Variants in CUEDC1 observed in about 807,000 individuals in gnomAD.
The protein encoded by CUEDC1 is CUE domain containing 1, also known as CUE domain-containing protein 1.
CUEDC1 carries 30 observed loss-of-function variants against 43.7 expected under a neutral mutation model. The observed-to-expected ratio is 0.69, with a 90% CI of 0.51 to 0.93. CUEDC1 has a LOEUF of 0.93. CUEDC1 is among the 40% of genes least tolerant of loss of function. The pLI, the probability that CUEDC1 is intolerant of heterozygous loss-of-function variation, is 0.00. For synonymous variants in CUEDC1, 223 were observed against 223.6 expected, an observed-to-expected ratio of 1.00 and a Z score of 0.02; for missense variants, 486 against 549.0, an observed-to-expected ratio of 0.89 and a Z score of 1.15.
intron 2 of CUEDC1, among the ~76,000 whole-genome samples, chr17:57,882,422 G>A (rs2074222159): frequency 6.6e-6 from 1 of 152,116 alleles, no homozygotes; most frequent in African/African-American, 2.4e-5. Context: ...AGGGGGTGGT[G>A]AAGCCTTGCA....
intron 1 of CUEDC1, among the ~76,000 whole-genome samples, chr17:57,889,590 C>G (rs1291443924): frequency 6.6e-6 from 1 of 152,194 alleles, no homozygotes; most frequent in Non-Finnish European, 1.5e-5. Flanking sequence ...GAGCCTGAGA[C>G]CCAAGTCTAG....
In CUEDC1 at chr17:57,900,677, G is replaced by A. The variant is rs116781592; in HGVS notation, c.-315-14798C>T. Among the ~76,000 whole-genome samples, 726 of 152,312 alleles carry A rather than the reference G, an allele frequency of 4.8e-3. 6 individuals are homozygous for A. The highest frequency in any genetic ancestry group is 0.017 in the African/African-American group (706 of 41,560). On this transcript the variant is annotated intron_variant, in intron 1 of 10. Coordinates refer to ENST00000577830, the MANE Select transcript of CUEDC1 (RefSeq NM_001271875.2). ...ATTTTATAGATAGATACACTGAGTC[G>A]TGTGTGACCTAGAGGTTGTCCAGGA... is the stretch of plus-strand genomic sequence containing the variant.
At chr17:57,897,238 A>G (rs932633480) in intron 1 of CUEDC1, among the ~76,000 whole-genome samples, 1 of 152,240 alleles carries the variant, frequency 6.6e-6, no homozygotes, top group African/African-American at 2.4e-5. Context: ...CATTTCACAG[A>G]AAAGAAAACT....
intron 1 of CUEDC1, among the ~76,000 whole-genome samples, chr17:57,944,425 G>A (rs2074943454): frequency 1.3e-5 from 2 of 152,180 alleles, no homozygotes; most frequent in Admixed American, 1.3e-4. Context: ...GGTCAGGCTG[G>A]TCTCGAACTC....
At chr17:57,917,963 G>A (rs563620304) in intron 1 of CUEDC1, among the ~76,000 whole-genome samples, 11 of 152,252 alleles carry the variant, frequency 7.2e-5, no homozygotes, top group Middle Eastern at 3.4e-3. Flanking sequence ...CTCCTGTTCT[G>A]GACCTCAGTT....
intron 1 of CUEDC1, among the ~76,000 whole-genome samples, chr17:57,933,182 C>A (rs955222169): frequency 6.8e-6 from 1 of 146,458 alleles, no homozygotes; most frequent in Non-Finnish European, 1.5e-5. Flanking sequence ...CTAGCAGAAT[C>A]AGACAGCCTC....
rs1043287774 is a variant in CUEDC1 at position 57,886,817 on chromosome 17, G to T, written c.-315-938C>A. ...ACCATATACATCATAAATTCTGGTTGTTTTTTTTTTTTTTTTTTTGAGACG... is the reference window on the plus strand; with the variant it reads ...ACCATATACATCATAAATTCTGGTTTTTTTTTTTTTTTTTTTTTTGAGACG... On this transcript the variant is annotated intron_variant, in intron 1 of 10. Transcript: ENST00000577830. 6.1e-3 allele frequency among the ~76,000 whole-genome samples: 717 copies of T among 118,422 alleles called. 5 individuals are homozygous for T. Among genetic ancestry groups the T allele is most frequent in the African/African-American group, 0.02 (624 of 31,106 alleles). 77.7% of individuals were successfully genotyped at this position (118,422 alleles called of 152,430 possible).
chr17:57,899,995 T>C (rs2074454839), intron 1 of CUEDC1, among the ~76,000 whole-genome samples: 1 of 152,116 alleles, frequency 6.6e-6, no homozygotes, highest in Non-Finnish European at 1.5e-5. Flanking sequence ...AAGGTCAGGC[T>C]GACCTGACTT....
At chr17:57,909,398 T>G (rs1490739180) in intron 1 of CUEDC1, among the ~76,000 whole-genome samples, 4 of 152,222 alleles carry the variant, frequency 2.6e-5, no homozygotes, top group African/African-American at 9.7e-5. Flanking sequence ...ACAGGACGTA[T>G]TTTAGAACAT....
chr17:57,899,857 C>T (rs2074453428), intron 1 of CUEDC1, among the ~76,000 whole-genome samples: 1 of 152,214 alleles, frequency 6.6e-6, no homozygotes, highest in Non-Finnish European at 1.5e-5. Flanking sequence ...GCACTGACAG[C>T]ACCCTCAGCC....
chr17:57,928,195 G>T (rs1393241284), intron 1 of CUEDC1, among the ~76,000 whole-genome samples: 3 of 152,190 alleles, frequency 2.0e-5, no homozygotes, highest in African/African-American at 7.2e-5. Flanking sequence ...TATGCTTTTT[G>T]GGAGGGGTGT....
At chr17:57,919,300 C>T (rs2074676937) in intron 1 of CUEDC1, among the ~76,000 whole-genome samples, 1 of 152,164 alleles carries the variant, frequency 6.6e-6, no homozygotes, top group African/African-American at 2.4e-5. Context: ...CTGCCTCAGC[C>T]TCCCAAGTAG....
intron 1 of CUEDC1, among the ~76,000 whole-genome samples, 198 bp from the exon 2 acceptor site, chr17:57,886,077 CA>C (rs1286539260): frequency 1.3e-5 from 2 of 152,190 alleles, no homozygotes; most frequent in Non-Finnish European, 2.9e-5. Context: ...GGACAGCCAC[CA>C]GTTAGCAAGG....
chr17:57,865,131 C>T (rs997130188), intron 10 of CUEDC1, among the ~76,000 whole-genome samples: 12 of 152,156 alleles, frequency 7.9e-5, no homozygotes, highest in Non-Finnish European at 1.5e-4. Flanking sequence ...GGACAGGACC[C>T]GTTCTCCCTG....
rs780233807 is a variant in CUEDC1 at position 57,873,631 on chromosome 17, T to A, written c.551A>T (p.Asp184Val). The A allele has an allele frequency of 1.9e-6, 3 of 1,603,314 alleles. No individual in the cohort carries two copies. The Admixed American group carries it at 5.1e-5, about 27-fold the overall frequency. The change falls in exon 4 of 11, where the codon GAC (aspartate) becomes GTC (valine). Residue 184 changes from aspartate to valine, a missense_variant. By Grantham distance (152) the Asp-to-Val change is radical (BLOSUM62 -3). Transcript: ENST00000577830. Reference sequence around the variant, plus strand: ...CTGCTGGGGCAGGATGCGGAGAAAGTCATCCGGAAGGTTGCCCAGCAGTGG... The same window carrying A: ...CTGCTGGGGCAGGATGCGGAGAAAGACATCCGGAAGGTTGCCCAGCAGTGG... The part of the protein sequence containing the change: ...NPPLLGNLPD[D>V]FLRILPQQLD...
chr17:57,864,824 C>T (rs151074416), intron 10 of CUEDC1, among the ~76,000 whole-genome samples: 5 of 152,220 alleles, frequency 3.3e-5, no homozygotes, highest in African/African-American at 4.8e-5. Context: ...GAGGTCCAGG[C>T]GGGCAGGTCA....
Position 57,885,742 on chromosome 17 carries a change from G to C in CUEDC1, c.-178C>G. The C allele has an allele frequency of 6.6e-6, 7 of 1,065,064 alleles. No homozygotes were observed. Among genetic ancestry groups the C allele is most frequent in the Non-Finnish European group, 8.5e-6 (7 of 828,004 alleles). 66.0% of individuals were successfully genotyped at this position (1,065,064 alleles called of 1,614,324 possible). A position where few individuals can be genotyped will look rare whatever the true frequency, so the allele number is the denominator to read the frequency against. On this transcript the variant is annotated 5_prime_UTR_variant, in exon 2 of 11. Coordinates refer to ENST00000577830, the MANE Select transcript of CUEDC1 (RefSeq NM_001271875.2). ...CAAGAGCTCCGGGTTAGGAGAGTAC[G>C]GGCGCGGGGCCCCAGGCAGCCCTTG...
rs558639438 is a variant in CUEDC1 at position 57,886,854 on chromosome 17, T to C, written c.-315-975A>G. Among the ~76,000 whole-genome samples, 448 of 145,606 alleles carry C rather than the reference T, an allele frequency of 3.1e-3. 1 individual carries two copies. Among genetic ancestry groups the C allele is most frequent in the African/African-American group, 0.01 (400 of 38,978 alleles). On this transcript the variant is annotated intron_variant, in intron 1 of 10. Coordinates refer to ENST00000577830, the MANE Select transcript of CUEDC1 (RefSeq NM_001271875.2). ...TTTTTTTTGAGACGGAGTCTCGCTCTGTCACCCAGGCTGGAGTGCAGCGGC... is the reference window on the plus strand; with the variant it reads ...TTTTTTTTGAGACGGAGTCTCGCTCCGTCACCCAGGCTGGAGTGCAGCGGC...
chr17:57,872,610 C>T, intron 5 of CUEDC1, 53 bp downstream of exon 5: 2 of 1,599,022 alleles, frequency 1.3e-6, no homozygotes, highest in Non-Finnish European at 8.5e-7. Context: ...AGGCTAAAGC[C>T]AGCATCACCT....
Sources: allele counts gnomAD v4.1 joint callset (sites outside exome capture counted in the v4.1 genomes callset), GRCh38; gene constraint gnomAD v4.1.1; transcripts MANE v1.5; gene names NCBI Gene and HGNC (gene_info 2026-07-23, HGNC 2026-07-21).